LRFN5: variants seen among roughly 807,000 people sequenced by gnomAD.
LRFN5 encodes the protein leucine-rich repeat and fibronectin type-III domain-containing protein 5.
Under a neutral mutation model 45.6 loss-of-function variants are expected in LRFN5, and 24 were observed. The ratio of observed to expected loss-of-function variants is 0.53; its 90% CI spans 0.38 to 0.74. The LOEUF is 0.74. Ranked by LOEUF, LRFN5 falls within the 30% of genes least tolerant of loss-of-function variation. The pLI is 0.00. For synonymous variants in LRFN5, 340 were observed against 313.8 expected (o/e 1.08, Z -0.88); for missense variants, 776 against 861.5 (o/e 0.90, Z 1.24).
At chr14:41,803,823 A>G (rs1887424793) in intron 2 of LRFN5, among the ~76,000 whole-genome samples, 1 of 152,118 alleles carries the variant, frequency 6.6e-6, no homozygotes, top group Non-Finnish European at 1.5e-5. Flanking sequence ...AAAGAGCTTT[A>G]CACAGGTAGA....
At chr14:41,697,420 A>G (rs931591353) in intron 1 of LRFN5, among the ~76,000 whole-genome samples, 5 of 151,976 alleles carry the variant, frequency 3.3e-5, no homozygotes, top group East Asian at 1.9e-4. Flanking sequence ...TTGTTTCAGT[A>G]CTTTATAATT....
chr14:41,736,354 C>T (rs1884430520), intron 1 of LRFN5, among the ~76,000 whole-genome samples: 1 of 152,138 alleles, frequency 6.6e-6, no homozygotes, highest in South Asian at 2.1e-4. Context: ...CTCTAATAAC[C>T]AGTGATGATG....
chr14:41,734,875 T>C (rs1469220119), intron 1 of LRFN5, among the ~76,000 whole-genome samples: 11 of 152,202 alleles, frequency 7.2e-5, no homozygotes, highest in African/African-American at 9.6e-5. Context: ...ATTGACAGAT[T>C]ATTTTAAGCT....
chr14:41,675,430 G>C (rs928240042), intron 1 of LRFN5, among the ~76,000 whole-genome samples: 1 of 151,868 alleles, frequency 6.6e-6, no homozygotes, highest in Non-Finnish European at 1.5e-5. Flanking sequence ...GCGAAACCCC[G>C]TCTCCACCAA....
intron 2 of LRFN5, among the ~76,000 whole-genome samples, chr14:41,879,428 C>T (rs748720010): frequency 6.6e-6 from 1 of 151,660 alleles, no homozygotes; most frequent in African/African-American, 2.4e-5. Flanking sequence ...TTCCGTATAC[C>T]CTTTACCCGG....
intron 1 of LRFN5, among the ~76,000 whole-genome samples, chr14:41,642,108 T>A (rs1361428730): frequency 6.6e-6 from 1 of 152,178 alleles, no homozygotes; most frequent in Non-Finnish European, 1.5e-5. Flanking sequence ...ACTATTTGAA[T>A]TTGTTTGTAG....
At chr14:41,665,928 A>C (rs1256672843) in intron 1 of LRFN5, among the ~76,000 whole-genome samples, 3 of 151,982 alleles carry the variant, frequency 2.0e-5, no homozygotes, top group Non-Finnish European at 1.5e-5. Flanking sequence ...ATTTCATCAA[A>C]CTTGGGTTAC....
chr14:41,846,235 A>ACACACG lies in LRFN5; in HGVS notation c.-20-40366_-20-40365insGCACAC, dbSNP rs1555326090. Among the ~76,000 whole-genome samples the ACACACG allele has an allele frequency of 3.5e-3, 515 of 148,982 alleles. 5 individuals are homozygous for ACACACG. Among genetic ancestry groups the ACACACG allele is most frequent in the African/African-American group, 0.012 (487 of 40,326 alleles). On this transcript the variant is annotated intron_variant, in intron 2 of 5. Coordinates refer to ENST00000298119, the MANE Select transcript of LRFN5 (RefSeq NM_152447.5). ...CACAGACACACACACACACACACGC[A>ACACACG]CACACACACTTTCCCATCTGGCAAT...
In LRFN5 at chr14:41,672,175, TAA is replaced by T. The variant is rs1166728112; in HGVS notation, c.-197+63614_-197+63615del. Among the ~76,000 whole-genome samples, 24 of 152,216 alleles carry T rather than the reference TAA, an allele frequency of 1.6e-4. 1 individual carries two copies. The highest frequency in any genetic ancestry group is 1.6e-3 in the Admixed American group (24 of 15,278). On this transcript the variant is annotated intron_variant, in intron 1 of 5. Transcript: ENST00000298119. Reference sequence around the variant, plus strand: ...TTCTTACCTCACTAGACGTTAGGATTAAGTTAGGATAACACATGTAACATGCT... The same window carrying T: ...TTCTTACCTCACTAGACGTTAGGATTGTTAGGATAACACATGTAACATGCT...
At chr14:41,741,201 AG>A (rs1236480220) in intron 1 of LRFN5, among the ~76,000 whole-genome samples, 1 of 150,704 alleles carries the variant, frequency 6.6e-6, no homozygotes, top group Non-Finnish European at 1.5e-5. Context: ...TGTTTTTCAC[AG>A]AAATAGAATA....
At chr14:41,673,882 T>C (rs1246769928) in intron 1 of LRFN5, among the ~76,000 whole-genome samples, 1 of 144,652 alleles carries the variant, frequency 6.9e-6, no homozygotes, top group Non-Finnish European at 1.5e-5. Context: ...ACAGGGCGGC[T>C]GGCCAGGTGG....
At chr14:41,623,815 G>A (rs1233381538) in intron 1 of LRFN5, among the ~76,000 whole-genome samples, 1 of 151,982 alleles carries the variant, frequency 6.6e-6, no homozygotes, top group East Asian at 1.9e-4. Context: ...CTTCAATATT[G>A]TGGAGATGGA....
At chr14:41,644,042 A>G (rs1187089440) in intron 1 of LRFN5, among the ~76,000 whole-genome samples, 2 of 152,230 alleles carry the variant, frequency 1.3e-5, no homozygotes, top group Non-Finnish European at 2.9e-5. Flanking sequence ...GAAAGTTGAA[A>G]TGAAAAGTAA....
At chr14:41,627,498 C>A (rs1888375032) in intron 1 of LRFN5, among the ~76,000 whole-genome samples, 1 of 152,002 alleles carries the variant, frequency 6.6e-6, no homozygotes. Flanking sequence ...TTGATTTTGC[C>A]AGATTCTCAT....
chr14:41,809,806 A>G (rs1244822503), intron 2 of LRFN5, among the ~76,000 whole-genome samples: 1 of 151,952 alleles, frequency 6.6e-6, no homozygotes, highest in Non-Finnish European at 1.5e-5. Flanking sequence ...TTTATGATTT[A>G]TTTAGTGTAA....
intron 1 of LRFN5, among the ~76,000 whole-genome samples, chr14:41,762,453 A>AT (rs1032160036): frequency 2.0e-5 from 3 of 152,090 alleles, no homozygotes; most frequent in African/African-American, 7.2e-5. Flanking sequence ...ATGGTGCTAC[A>AT]TTTTTTCCAA....
intron 1 of LRFN5, among the ~76,000 whole-genome samples, chr14:41,715,101 A>G (rs186211142): frequency 1.2e-4 from 18 of 152,250 alleles, no homozygotes; most frequent in Admixed American, 3.3e-4. Flanking sequence ...CCATGAATTA[A>G]AGGAATTTGT....
intron 2 of LRFN5, among the ~76,000 whole-genome samples, chr14:41,865,257 C>T (rs1408563243): frequency 6.6e-6 from 1 of 152,096 alleles, no homozygotes; most frequent in African/African-American, 2.4e-5. Flanking sequence ...CTCCATATAA[C>T]CACCACTCTA....
chr14:41,896,658 T>C (rs1387708349), intron 4 of LRFN5, among the ~76,000 whole-genome samples: 1 of 152,176 alleles, frequency 6.6e-6, no homozygotes, highest in Admixed American at 6.5e-5. Flanking sequence ...TTGCCCAGTC[T>C]TTTTCTTCCC....
Sources: allele counts gnomAD v4.1 joint callset (sites outside exome capture counted in the v4.1 genomes callset), GRCh38; gene constraint gnomAD v4.1.1; transcripts MANE v1.5; gene names NCBI Gene and HGNC (gene_info 2026-07-23, HGNC 2026-07-21).